Variants in GPD2 observed in about 807,000 individuals in gnomAD.
GPD2 encodes glycerol-3-phosphate dehydrogenase 2, also known as glycerol-3-phosphate dehydrogenase, mitochondrial.
Under a neutral mutation model 82.4 loss-of-function variants are expected in GPD2, and 54 were observed. The ratio of observed to expected loss-of-function variants is 0.66; its 90% CI spans 0.53 to 0.82. The LOEUF (loss-of-function observed/expected upper bound fraction) is 0.82, where lower values mean the gene tolerates loss of function less well. Among genes scored for constraint, GPD2 ranks in the 40% least tolerant of loss-of-function variants. The probability of loss-of-function intolerance (pLI) is 0.00; values close to 1 mark genes in which losing one functional copy is unlikely to be tolerated. For missense variants in GPD2, 748 were observed against 896.2 expected (o/e 0.83, Z 2.11); for synonymous variants, 288 against 306.1 (o/e 0.94, Z 0.62).
chr2:156,459,307 C>G (rs184063522), intron 1 of GPD2, among the ~76,000 whole-genome samples: 2 of 151,988 alleles, frequency 1.3e-5, no homozygotes, highest in African/African-American at 2.4e-5. Context: ...GAGTGACTTA[C>G]GCCTACTGTC....
chr2:156,570,263 C>T (rs1687566094), intron 12 of GPD2, 45 bp downstream of exon 12: 1 of 1,554,558 alleles, frequency 6.4e-7, no homozygotes, highest in Admixed American at 1.7e-5. Flanking sequence ...CCATGGGATA[C>T]CATTTATCTG....
chr2:156,541,824 G>GTTTTTTTTTTTTTTTTTTT (rs61067726), intron 6 of GPD2, among the ~76,000 whole-genome samples: 2 of 81,468 alleles, frequency 2.5e-5, no homozygotes, highest in Admixed American at 1.9e-4. Flanking sequence ...AATGCTGTTT[G>GTTTTTTTTTTTTTTTTTTT]TTTTTTTTTT....
At chr2:156,568,990 C>CTTTTTTTTTTT (rs36082652) in intron 10 of GPD2, 31 bp downstream of exon 10, 9 of 1,254,272 alleles carry the variant, frequency 7.2e-6, no homozygotes, top group African/African-American at 3.3e-5. Flanking sequence ...ATTTTCTTTT[C>CTTTTTTTTTTT]TTTTTTTTTT....
the GPD2 span, among the ~76,000 whole-genome samples, chr2:156,421,586 T>A: frequency 6.6e-6 from 1 of 152,170 alleles, no homozygotes; most frequent in Non-Finnish European, 1.5e-5. Context: ...AATTCCCAAC[T>A]CTTATCCTTC....
chr2:156,500,349 A>G (rs777222324), intron 3 of GPD2, among the ~76,000 whole-genome samples: 7 of 152,154 alleles, frequency 4.6e-5, no homozygotes, highest in Non-Finnish European at 7.4e-5. Context: ...TCCTTTTACT[A>G]CAATTCCTGA....
chr2:156,523,677 G>GATAGATAGATAGATAC (rs1346664836), intron 6 of GPD2, among the ~76,000 whole-genome samples: 10 of 135,258 alleles, frequency 7.4e-5, no homozygotes, highest in African/African-American at 2.9e-4. Context: ...TTTCTAGATA[G>GATAGATAGATAGATAC]ATAGATAGAT....
chr2:156,515,461 G>A (rs1352524820), intron 6 of GPD2, among the ~76,000 whole-genome samples: 1 of 151,820 alleles, frequency 6.6e-6, no homozygotes, highest in African/African-American at 2.4e-5. Context: ...GTTTGGTATT[G>A]TTGTGAATTA....
At chr2:156,502,224 A>G (rs1219489148) in intron 3 of GPD2, among the ~76,000 whole-genome samples, 1 of 152,130 alleles carries the variant, frequency 6.6e-6, no homozygotes, top group Non-Finnish European at 1.5e-5. Flanking sequence ...AAGCAGGTAT[A>G]TGTAAATTTT....
At chr2:156,473,545 C>T (rs1683402312) in intron 1 of GPD2, 1 of 152,172 alleles carries the variant, frequency 6.6e-6, no homozygotes, top group African/African-American at 2.4e-5. Context: ...ACATTATCAA[C>T]AAGACAGAAG....
At chr2:156,543,301 C>T (rs1686397608) in intron 6 of GPD2, among the ~76,000 whole-genome samples, 1 of 152,162 alleles carries the variant, frequency 6.6e-6, no homozygotes, top group Admixed American at 6.6e-5. Flanking sequence ...ATTTGATCAG[C>T]CTCTGAACTG....
the GPD2 span, among the ~76,000 whole-genome samples, chr2:156,426,121 C>T: frequency 3.9e-3 from 598 of 152,028 alleles, 18 homozygotes; most frequent in East Asian, 0.087. Context: ...GACGGGGTTT[C>T]ACCGTTTTAG....
chr2:156,575,801 T>C (rs1687799019), intron 13 of GPD2, among the ~76,000 whole-genome samples: 1 of 152,148 alleles, frequency 6.6e-6, no homozygotes, highest in South Asian at 2.1e-4. Context: ...ATCTGTAAAA[T>C]TGGTAGATTT....
intron 16 of GPD2, 130 bp downstream of exon 16, chr2:156,579,918 C>T (rs924900988): frequency 8.7e-5 from 61 of 700,506 alleles, no homozygotes; most frequent in South Asian, 4.2e-4. Flanking sequence ...GAAGAAAGCT[C>T]GAAGCCAGCA....
At chr2:156,401,845 C>T in the GPD2 span, among the ~76,000 whole-genome samples, 1 of 151,590 alleles carries the variant, frequency 6.6e-6, no homozygotes, top group African/African-American at 2.4e-5. Flanking sequence ...AATGATACAA[C>T]AAAAGATATA....
At position 156,564,100 on chromosome 2, in the gene GPD2, A is replaced by G. The variant is rs184639588; in HGVS notation, c.1166-4725A>G. 2.1e-4 allele frequency among the ~76,000 whole-genome samples: 32 copies of G among 152,242 alleles called. No individual in the cohort carries two copies. In the East Asian group the frequency reaches 2.3e-3, roughly 11 times the overall value. On this transcript the variant is annotated intron_variant, in intron 9 of 16. Coordinates refer to ENST00000438166, the MANE Select transcript of GPD2 (RefSeq NM_000408.5). The stretch of plus-strand genomic sequence containing the variant: ...ATACTAAATTTAATAGAATCGTTGA[A>G]TTTGGGTTTTTTTGTTTGTTAAGTA...
intron 13 of GPD2, among the ~76,000 whole-genome samples, chr2:156,571,822 C>A (rs1016556098): frequency 1.3e-5 from 2 of 152,020 alleles, no homozygotes; most frequent in African/African-American, 4.8e-5. Flanking sequence ...CTAAGTAGAT[C>A]TTTATGTTTT....
intron 9 of GPD2, among the ~76,000 whole-genome samples, chr2:156,565,731 G>T (rs1687364891): frequency 6.6e-6 from 1 of 152,058 alleles, no homozygotes; most frequent in Non-Finnish European, 1.5e-5. Context: ...AACTTGAGTT[G>T]AATTTATTTT....
the GPD2 span, among the ~76,000 whole-genome samples, chr2:156,401,244 T>G: frequency 6.6e-6 from 1 of 152,182 alleles, no homozygotes; most frequent in Non-Finnish European, 1.5e-5. Context: ...TTTCTATTGC[T>G]TACTAGAAGA....
At chr2:156,495,579 A>G in intron 2 of GPD2, 2 of 459,678 alleles carry the variant, frequency 4.4e-6, no homozygotes, top group Non-Finnish European at 9.0e-6. Flanking sequence ...TTTTGTCAGG[A>G]GAACTGAGGA....
Sources: gnomAD v4.1 joint callset for allele counts (sites outside exome capture counted in the v4.1 genomes callset) on GRCh38, gnomAD v4.1.1 for gene constraint, MANE v1.5 for transcripts, NCBI Gene and HGNC (gene_info 2026-07-23, HGNC 2026-07-21) for gene names.